CPA6: variants seen among roughly 807,000 people sequenced by gnomAD.
CPA6 encodes the protein carboxypeptidase B.
In CPA6, 58 loss-of-function variants were observed where a neutral mutation model predicts 63.3. The ratio of observed to expected loss-of-function variants is 0.92; its 90% CI spans 0.74 to 1.14. CPA6 has a LOEUF of 1.14. Ranked by LOEUF, CPA6 falls within the 50% of genes most tolerant of loss-of-function variation. The pLI, the probability that CPA6 is intolerant of heterozygous loss-of-function variation, is 0.00. For missense variants in CPA6, 565 were observed against 526.6 expected (o/e 1.07, Z -0.71); for synonymous variants, 185 against 179.0 (o/e 1.03, Z -0.27).
In CPA6 at chr8:67,710,067, C is replaced by T. The variant is rs188583620; in HGVS notation, c.116+35947G>A. Reference sequence around the variant, plus strand: ...GGCAGAGGTTGCAGTGAGCTGAGATCGCGCCACTGCACTCTAGCCTGGGCA... The same window carrying T: ...GGCAGAGGTTGCAGTGAGCTGAGATTGCGCCACTGCACTCTAGCCTGGGCA... On this transcript the variant is annotated intron_variant, in intron 1 of 10. Transcript: ENST00000297770. 7.3e-4 allele frequency among the ~76,000 whole-genome samples: 111 copies of T among 151,580 alleles called. 1 individual carries two copies. The highest frequency in any genetic ancestry group is 6.8e-3 in the East Asian group (35 of 5,158).
chr8:67,716,413 C>A (rs191200318), intron 1 of CPA6, among the ~76,000 whole-genome samples: 4 of 152,256 alleles, frequency 2.6e-5, no homozygotes, highest in East Asian at 1.9e-4. Flanking sequence ...GGGAAGGGGA[C>A]TTCCAGGTCA....
intron 1 of CPA6, among the ~76,000 whole-genome samples, chr8:67,671,964 G>C (rs928032163): frequency 1.3e-5 from 2 of 152,042 alleles, no homozygotes; most frequent in Non-Finnish European, 2.9e-5. Context: ...TGAGTAGCTG[G>C]AATTACAGGT....
At chr8:67,599,332 A>G (rs1450441520) in intron 2 of CPA6, among the ~76,000 whole-genome samples, 1 of 152,160 alleles carries the variant, frequency 6.6e-6, no homozygotes, top group Non-Finnish European at 1.5e-5. Context: ...CATGCTGGAC[A>G]TGTTCTGTGT....
At chr8:67,720,187 G>T (rs140763546) in intron 1 of CPA6, among the ~76,000 whole-genome samples, 75 of 147,152 alleles carry the variant, frequency 5.1e-4, no homozygotes, top group African/African-American at 1.7e-3. Flanking sequence ...CTCAGTGGGG[G>T]TGCTTTTTGA....
At chr8:67,721,514 A>C (rs1203919669) in intron 1 of CPA6, among the ~76,000 whole-genome samples, 1 of 152,220 alleles carries the variant, frequency 6.6e-6, no homozygotes, top group African/African-American at 2.4e-5. Flanking sequence ...TGTCACCCAG[A>C]TGACTGAGTT....
At chr8:67,528,379 AT>A (rs1812409045) in intron 2 of CPA6, among the ~76,000 whole-genome samples, 1 of 152,122 alleles carries the variant, frequency 6.6e-6, no homozygotes, top group Admixed American at 6.5e-5. Context: ...GAGAGAGAGA[AT>A]GGACTGGGAA....
intron 1 of CPA6, among the ~76,000 whole-genome samples, chr8:67,713,716 G>A (rs2129000702): frequency 6.6e-6 from 1 of 152,314 alleles, no homozygotes; most frequent in East Asian, 1.9e-4. Flanking sequence ...TTGACACAGT[G>A]AGCATTTCTA....
intron 1 of CPA6, among the ~76,000 whole-genome samples, chr8:67,630,069 C>T (rs1490523495): frequency 6.6e-6 from 1 of 151,354 alleles, no homozygotes. Context: ...TGCACCACCG[C>T]ACTCCAGTCC....
rs535957937 is a variant in CPA6 at position 67,516,146 on chromosome 8, C to T, written c.317+1777G>A. Among the ~76,000 whole-genome samples, 96 of 152,318 alleles carry T rather than the reference C, an allele frequency of 6.3e-4. 1 individual carries two copies. The highest frequency in any genetic ancestry group is 3.9e-3 in the South Asian group (19 of 4,826). On this transcript the variant is annotated intron_variant, in intron 3 of 10. Coordinates refer to ENST00000297770, the MANE Select transcript of CPA6 (RefSeq NM_020361.5). Reference sequence around the variant, plus strand: ...CACTCTCTCTTCTCTGCAACAACCACCTCTCTTTGTTCATACCCCAGTTTT... The same window carrying T: ...CACTCTCTCTTCTCTGCAACAACCATCTCTCTTTGTTCATACCCCAGTTTT...
At chr8:67,451,859 C>T (rs893707447) in intron 8 of CPA6, among the ~76,000 whole-genome samples, 5 of 152,154 alleles carry the variant, frequency 3.3e-5, no homozygotes, top group Admixed American at 6.5e-5. Context: ...AAATCTGAAA[C>T]GCTGAGTTTT....
intron 9 of CPA6, among the ~76,000 whole-genome samples, chr8:67,433,182 T>C (rs1438996022): frequency 6.6e-6 from 1 of 152,216 alleles, no homozygotes. Context: ...AATACATTCA[T>C]GTAACCACCA....
At chr8:67,673,059 T>C (rs1816383706) in intron 1 of CPA6, among the ~76,000 whole-genome samples, 1 of 152,150 alleles carries the variant, frequency 6.6e-6, no homozygotes, top group African/African-American at 2.4e-5. Flanking sequence ...TAATCAAATG[T>C]AGCCCAGAGA....
chr8:67,477,624 G>A lies in CPA6; in HGVS notation c.838+6144C>T, dbSNP rs996676391. On this transcript the variant is annotated intron_variant, in intron 8 of 10. Transcript: ENST00000297770. ...TAAAAGTGGATTAATGTATGTTAGA[G>A]TCATCACTAACAGAGCTGGCAGGAG... Among the ~76,000 whole-genome samples, 4 of 152,320 alleles carry A rather than the reference G, an allele frequency of 2.6e-5. No homozygotes were observed. The East Asian group carries it at 5.8e-4, about 22-fold the overall frequency.
intron 1 of CPA6, among the ~76,000 whole-genome samples, chr8:67,629,362 T>A (rs1815266731): frequency 6.6e-6 from 1 of 150,654 alleles, no homozygotes; most frequent in Non-Finnish European, 1.5e-5. Context: ...ATACATATAG[T>A]CCCAGCTACC....
intron 2 of CPA6, among the ~76,000 whole-genome samples, chr8:67,607,997 T>A (rs899568886): frequency 2.6e-5 from 4 of 152,210 alleles, no homozygotes; most frequent in African/African-American, 9.6e-5. Flanking sequence ...GATTTGAGGA[T>A]CCAGAAATTT....
chr8:67,687,425 G>C (rs1816729362), intron 1 of CPA6, among the ~76,000 whole-genome samples: 1 of 151,532 alleles, frequency 6.6e-6, no homozygotes, highest in Non-Finnish European at 1.5e-5. Context: ...ATCTGGGCAG[G>C]ATTGGGGAAG....
intron 6 of CPA6, 115 bp from the exon 7 acceptor site, chr8:67,484,904 T>C (rs1811445104): frequency 1.8e-6 from 1 of 541,430 alleles, no homozygotes; most frequent in East Asian, 3.1e-5. Context: ...TAAAAAGTCA[T>C]AAACTAACAT....
chr8:67,642,413 C>T (rs760006530), intron 1 of CPA6, among the ~76,000 whole-genome samples: 1 of 152,082 alleles, frequency 6.6e-6, no homozygotes, highest in Non-Finnish European at 1.5e-5. Flanking sequence ...GTAAGGATGT[C>T]AGTTACCCTC....
chr8:67,644,913 C>T (rs1198418969), intron 1 of CPA6, among the ~76,000 whole-genome samples: 2 of 152,196 alleles, frequency 1.3e-5, no homozygotes, highest in South Asian at 2.1e-4. Context: ...TTCATACATA[C>T]TCTTGCCTAA....
Sources: allele counts gnomAD v4.1 joint callset (sites outside exome capture counted in the v4.1 genomes callset), GRCh38; gene constraint gnomAD v4.1.1; transcripts MANE v1.5; gene names NCBI Gene and HGNC (gene_info 2026-07-23, HGNC 2026-07-21).